The following CDK19 variants were observed in gnomAD, a reference collection of about 807,000 sequenced individuals.
CDK19 encodes the protein cyclin dependent kinase 19.
Under a neutral mutation model 68.3 loss-of-function variants are expected in CDK19, and 20 were observed. The observed-to-expected ratio is 0.29, with a 90% CI of 0.21 to 0.43. CDK19 has a LOEUF of 0.43. CDK19 is among the 20% of genes least tolerant of loss of function. The pLI is 1.00. For missense variants in CDK19, 339 were observed against 623.5 expected (o/e 0.54, Z 4.86); for synonymous variants, 221 against 222.8 (o/e 0.99, Z 0.07).
At chr6:110,814,779 C>A in intron 1 of CDK19, 1 of 671,356 alleles carries the variant, frequency 1.5e-6, no homozygotes, top group Non-Finnish European at 2.7e-6. Context: ...GGGACGGGAC[C>A]GACGCCTCGG....
At chr6:110,751,854 T>C (rs1232375862) in intron 1 of CDK19, among the ~76,000 whole-genome samples, 2 of 151,082 alleles carry the variant, frequency 1.3e-5, no homozygotes, top group Non-Finnish European at 2.9e-5. Context: ...CATCCATTGG[T>C]CAGATTAAAA....
chr6:110,734,730 T>A (rs1020165804), intron 2 of CDK19, among the ~76,000 whole-genome samples: 4 of 152,126 alleles, frequency 2.6e-5, no homozygotes, highest in Admixed American at 6.6e-5. Flanking sequence ...CACACTGTGC[T>A]TAACTTTGTC....
intron 4 of CDK19, among the ~76,000 whole-genome samples, chr6:110,640,675 G>T (rs1011025303): frequency 6.6e-6 from 1 of 152,170 alleles, no homozygotes; most frequent in Non-Finnish European, 1.5e-5. Flanking sequence ...AAATGGTTAG[G>T]CGTGGTGGCT....
intron 4 of CDK19, among the ~76,000 whole-genome samples, chr6:110,653,431 A>G (rs969803319): frequency 3.3e-5 from 5 of 152,362 alleles, no homozygotes; most frequent in South Asian, 2.1e-4. Context: ...AAGGATGAAG[A>G]AAGGATACCA....
intron 2 of CDK19, chr6:110,700,817 A>C (rs898766886): frequency 5.1e-6 from 1 of 195,006 alleles, no homozygotes; most frequent in Admixed American, 4.8e-5. Context: ...TGACTTGCAC[A>C]GTCCTTCCAA....
At position 110,621,098 on chromosome 6, in the gene CDK19, G is replaced by C; in HGVS notation, c.1377+6C>G. ...AGCATATGAACATTAGACATTCAGGGAGTACCTGATAATCCGAGGGCATCA... is the reference window on the plus strand; with the variant it reads ...AGCATATGAACATTAGACATTCAGGCAGTACCTGATAATCCGAGGGCATCA... On this transcript the variant is annotated splice_donor_region_variant and intron_variant, in intron 12 of 12. Coordinates refer to ENST00000368911, the MANE Select transcript of CDK19 (RefSeq NM_015076.5). The surrounding 1 kb of genome is among the most constrained non-coding windows in gnomAD (Gnocchi z 5.4). The C allele has an allele frequency of 1.2e-6, 2 of 1,609,272 alleles. No individual in the cohort carries two copies. The highest frequency in any genetic ancestry group is 2.2e-5 in the South Asian group (2 of 90,224).
At chr6:110,704,285 C>G (rs1774256244) in intron 2 of CDK19, among the ~76,000 whole-genome samples, 1 of 152,160 alleles carries the variant, frequency 6.6e-6, no homozygotes. Flanking sequence ...AGCAACCAAA[C>G]CATGTACTGT....
At chr6:110,660,792 G>A (rs1781574295) in intron 4 of CDK19, among the ~76,000 whole-genome samples, 1 of 152,182 alleles carries the variant, frequency 6.6e-6, no homozygotes. Context: ...AGGTTTTTAT[G>A]GGCACAGGAT....
intron 4 of CDK19, among the ~76,000 whole-genome samples, chr6:110,662,351 G>A (rs78474629): frequency 1.1e-4 from 16 of 151,800 alleles, no homozygotes; most frequent in African/African-American, 3.4e-4. Context: ...TAAAGACTTC[G>A]TGCTTATTGT....
intron 2 of CDK19, among the ~76,000 whole-genome samples, chr6:110,727,761 C>T (rs1039742522): frequency 6.0e-5 from 9 of 151,122 alleles, no homozygotes; most frequent in Admixed American, 3.3e-4. Flanking sequence ...CTGCTTGAGC[C>T]CGGAAGTTTG....
At chr6:110,742,351 A>G (rs1777740252) in intron 2 of CDK19, among the ~76,000 whole-genome samples, 2 of 152,182 alleles carry the variant, frequency 1.3e-5, no homozygotes, top group South Asian at 4.1e-4. Flanking sequence ...TATCTTCGTA[A>G]GCCAAGAATG....
At chr6:110,792,126 A>G (rs1366025888) in intron 1 of CDK19, among the ~76,000 whole-genome samples, 1 of 151,458 alleles carries the variant, frequency 6.6e-6, no homozygotes, top group African/African-American at 2.4e-5. Flanking sequence ...ACGTGCCACT[A>G]TGTCCAGCTA....
chr6:110,724,207 A>G (rs1040699246), intron 2 of CDK19, among the ~76,000 whole-genome samples: 1 of 152,016 alleles, frequency 6.6e-6, no homozygotes, highest in Admixed American at 6.6e-5. Context: ...TACAAAAATT[A>G]GCCAGGCGTG....
intron 1 of CDK19, among the ~76,000 whole-genome samples, chr6:110,807,152 A>C (rs1349295818): frequency 4.0e-5 from 6 of 151,818 alleles, no homozygotes; most frequent in Non-Finnish European, 8.8e-5. Flanking sequence ...ATTTAAAAAA[A>C]AAAAAAAAAG....
intron 12 of CDK19, among the ~76,000 whole-genome samples, chr6:110,616,561 G>A (rs1239177396): frequency 6.6e-6 from 1 of 151,862 alleles, no homozygotes; most frequent in Non-Finnish European, 1.5e-5. Flanking sequence ...CCAGCTACTC[G>A]GGAGGCTGAG....
At chr6:110,627,203 A>C (rs537624552) in intron 6 of CDK19, 58 bp from the exon 7 acceptor site, 2 of 1,297,356 alleles carry the variant, frequency 1.5e-6, no homozygotes, top group East Asian at 4.7e-5. Context: ...ATTCCTAGAT[A>C]TAATCCCAGC....
intron 2 of CDK19, among the ~76,000 whole-genome samples, chr6:110,734,224 G>T (rs1776999883): frequency 6.6e-6 from 1 of 151,976 alleles, no homozygotes; most frequent in African/African-American, 2.4e-5. Context: ...TGCCTAGGCT[G>T]GTCTCCAACT....
intron 2 of CDK19, among the ~76,000 whole-genome samples, chr6:110,684,622 C>T (rs1476029721): frequency 1.3e-5 from 2 of 152,270 alleles, no homozygotes; most frequent in East Asian, 3.9e-4. Context: ...TTTAGCTGCT[C>T]CTTCTATGGA....
chr6:110,713,553 C>CA (rs1403403963), intron 2 of CDK19, among the ~76,000 whole-genome samples: 1 of 151,352 alleles, frequency 6.6e-6, no homozygotes, highest in Non-Finnish European at 1.5e-5. Context: ...ACTACTACCA[C>CA]ACCCAGCTAA....
Sources: gnomAD v4.1 joint callset for allele counts (sites outside exome capture counted in the v4.1 genomes callset) on GRCh38, gnomAD v4.1.1 for gene constraint, Gnocchi (gnomAD v3.1) non-coding constraint, MANE v1.5 for transcripts, NCBI Gene and HGNC (gene_info 2026-07-23, HGNC 2026-07-21) for gene names.